The following RTL1 variants were observed in gnomAD, a reference collection of about 807,000 sequenced individuals.
RTL1 encodes retrotransposon-like protein 1.
For synonymous variants in RTL1, 727 were observed against 748.4 expected, an observed-to-expected ratio of 0.97 and a Z score of 0.47; for missense variants, 1,681 against 1,767.5, an observed-to-expected ratio of 0.95 and a Z score of 0.88.
chr14:100,888,325 T>C (rs1352159883), intron 3 of RTL1, among the ~76,000 whole-genome samples: 1 of 152,186 alleles, frequency 6.6e-6, no homozygotes, highest in African/African-American at 2.4e-5. Flanking sequence ...ACTTAAAACT[T>C]CTCGAGGTTT....
intron 2 of RTL1, among the ~76,000 whole-genome samples, chr14:100,895,233 C>T (rs1041238734): frequency 2.0e-5 from 3 of 152,148 alleles, no homozygotes; most frequent in Admixed American, 1.3e-4. Flanking sequence ...TGCGTGGGGA[C>T]ATCTGGGATG....
At chr14:100,900,954 A>C (rs2038933242) in intron 2 of RTL1, among the ~76,000 whole-genome samples, 1 of 152,118 alleles carries the variant, frequency 6.6e-6, no homozygotes, top group South Asian at 2.1e-4. Context: ...AGAAACAAAC[A>C]GTTTTTCCCG....
Position 100,882,575 on chromosome 14 carries a change from G to A in RTL1, c.2214C>T (p.Tyr738=), listed in dbSNP as rs542145378. Residue 738 remains tyrosine, a synonymous_variant, in exon 4 of 4, where the codon TAC becomes TAT. Coordinates refer to ENST00000649591, the MANE Select transcript of RTL1 (RefSeq NM_001134888.3). ...GGAGGTGCTCCTCCTGACTCATTGA[G>A]TAGATCAGGACTTCCTGGCCATAAG... ...VLSYGQEVLI[Y]SMSQEEHLHH... The A allele has an allele frequency of 6.6e-5, 102 of 1,551,816 alleles. No individual in the cohort carries two copies. Among genetic ancestry groups the A allele is most frequent in the Middle Eastern group, 3.3e-4 (2 of 5,992 alleles).
In RTL1 at chr14:100,884,665, G is replaced by A. The variant is rs549277874; in HGVS notation, c.124C>T (p.Arg42Trp). The change falls in exon 4 of 4, where the codon CGG becomes TGG. Residue 42 changes from arginine to tryptophan, a missense_variant. Transcript: ENST00000649591. ...CCGCTGGCTGGCCCTGCCTCTCCCC[G>A]CACTCCACTGCCCGACGTCGCCTCG... Reference protein sequence around the residue: ...TTEATSGSGVRGEAGPASGPA... With the variant: ...TTEATSGSGVWGEAGPASGPA... 115 of 1,613,472 alleles carry A rather than the reference G, an allele frequency of 7.1e-5. 1 individual carries two copies. The highest frequency in any genetic ancestry group is 5.5e-4 in the South Asian group (50 of 91,030).
rs1490679450 is a variant in RTL1, at chr14:100,882,252, C to T, written c.2537G>A (p.Gly846Glu). The change falls in exon 4 of 4, where the codon GGA becomes GAA. Residue 846 changes from glycine to glutamate, a missense_variant. Physicochemically the swap from Gly to Glu is moderately conservative, Grantham distance 98. Coordinates refer to ENST00000649591, the MANE Select transcript of RTL1 (RefSeq NM_001134888.3). ...CTCGAAGGCCTCTTGCTCCTCGACTCCCCAGTAGAACTGGTAGGAGCTCAG... is the reference window on the plus strand; with the variant it reads ...CTCGAAGGCCTCTTGCTCCTCGACTTCCCAGTAGAACTGGTAGGAGCTCAG... ...QLLSSYQFYWGVEEQEAFECL... is the reference protein window; with the variant it reads ...QLLSSYQFYWEVEEQEAFECL... The T allele has an allele frequency of 1.3e-6, 2 of 1,551,454 alleles. No homozygotes were observed. Among genetic ancestry groups the T allele is most frequent in the Non-Finnish European group, 1.7e-6 (2 of 1,147,002 alleles).
intron 3 of RTL1, among the ~76,000 whole-genome samples, chr14:100,885,335 A>T (rs1167777505): frequency 2.0e-5 from 3 of 152,198 alleles, no homozygotes; most frequent in Non-Finnish European, 2.9e-5. Context: ...GCTCTGGAGC[A>T]AGCCCAGCCA....
At position 100,881,464 on chromosome 14, in the gene RTL1, G is replaced by A. The variant is rs1402099685; in HGVS notation, c.3325C>T (p.Pro1109Ser). 11 of 1,550,644 alleles carry A rather than the reference G, an allele frequency of 7.1e-6. No individual in the cohort carries two copies. Among genetic ancestry groups the A allele is most frequent in the Non-Finnish European group, 9.6e-6 (11 of 1,146,948 alleles). Reference protein sequence around the residue: ...LRVRQCLSLRPAPAMRVARPQ... With the variant: ...LRVRQCLSLRSAPAMRVARPQ... ...CGAGCCACCCGCATGGCGGGTGCCG[G>A]CCGCAGCGAGAGGCATTGCCTCACG... The change falls in exon 4 of 4, where the codon CCG (proline) becomes TCG (serine). Residue 1109 changes from proline to serine, a missense_variant. Pro to Ser is a moderately conservative substitution (Grantham distance 74). Transcript: ENST00000649591. The surrounding 1 kb of genome is among the most constrained non-coding windows in gnomAD (Gnocchi z 6.6).
chr14:100,882,544 C>G lies in RTL1; in HGVS notation c.2245G>C (p.Val749Leu). ...CGGAAGCGGACCAGGACTTGGCGGA[C>G]GTGGTGGAGGTGCTCCTCCTGACTC... ...SMSQEEHLHH[V>L]RQVLVRFRHH... is the part of the protein sequence containing the mutation. Residue 749 changes from valine to leucine, a missense_variant, in exon 4 of 4, where the codon GTC (valine) becomes CTC (leucine). Physicochemically the swap from Val to Leu is conservative, Grantham distance 32. Transcript: ENST00000649591. The G allele has an allele frequency of 1.3e-6, 2 of 1,551,760 alleles. No individual in the cohort carries two copies. Among genetic ancestry groups the G allele is most frequent in the Non-Finnish European group, 1.7e-6 (2 of 1,147,026 alleles).
rs552116769 is a variant in RTL1, at chr14:100,881,003, G to A, written c.3786C>T (p.Asn1262=). ...GGCTGGGTGGGGCCTCCTGCACGTC[G>A]TTGTCCTGCTTGTCCTGCGAGGTGT... is the stretch of plus-strand genomic sequence containing the variant. ...LQDTSQDKQD[N]DVQEAPPSHT... is the part of the protein sequence containing the mutation. The change falls in exon 4 of 4, where the codon AAC becomes AAT. Residue 1262 remains asparagine (N), a synonymous_variant. Transcript: ENST00000649591. This position sits in a 1 kb window ranked among gnomAD's most constrained non-coding sequence, Gnocchi z 6.6. 1.8e-5 allele frequency: 29 copies of A among 1,574,744 alleles called. No homozygotes were observed. The African/African-American group carries it at 2.0e-4, about 11-fold the overall frequency.
intron 3 of RTL1, among the ~76,000 whole-genome samples, chr14:100,891,273 G>A (rs923633467): frequency 1.3e-5 from 2 of 152,198 alleles, no homozygotes; most frequent in Admixed American, 1.3e-4. Flanking sequence ...TCGGCCCAGG[G>A]CAGCCCAGTC....
chr14:100,887,327 A>C (rs1156995958), intron 3 of RTL1, among the ~76,000 whole-genome samples: 1 of 152,214 alleles, frequency 6.6e-6, no homozygotes, highest in African/African-American at 2.4e-5. Context: ...CTTCTGCTTA[A>C]AGCTTTATTC....
chr14:100,903,439 AG>A, intron 1 of RTL1, among the ~76,000 whole-genome samples, 53 bp from the exon 2 acceptor site: 1 of 152,240 alleles, frequency 6.6e-6, no homozygotes, highest in Non-Finnish European at 1.5e-5. Flanking sequence ...GGTGATCAAG[AG>A]GGGGTGCAGG....
At chr14:100,898,578 A>C (rs1280989660) in intron 2 of RTL1, among the ~76,000 whole-genome samples, 1 of 152,236 alleles carries the variant, frequency 6.6e-6, no homozygotes, top group African/African-American at 2.4e-5. Flanking sequence ...CTGGCATGGA[A>C]GACCCTTTAG....
rs763881276 is a variant in RTL1, at chr14:100,883,517, C to T, written c.1272G>A (p.Ala424=). 2.9e-5 allele frequency: 45 copies of T among 1,551,358 alleles called. 1 individual carries two copies. In the South Asian group the frequency reaches 3.6e-4, roughly 12 times the overall value. The change falls in exon 4 of 4, where the codon GCG becomes GCA. Residue 424 remains alanine, a synonymous_variant. Coordinates refer to ENST00000649591, the MANE Select transcript of RTL1 (RefSeq NM_001134888.3). The surrounding 1 kb of genome is among the most constrained non-coding windows in gnomAD (Gnocchi z 5.9). ...MVRVNPYHSV[A]VQALVDSGAD... Reference sequence around the variant, plus strand: ...CTCCCGAATCCACCAGGGCCTGGACCGCGACGCTGTGGTAGGGGTTCACTC... The same window carrying T: ...CTCCCGAATCCACCAGGGCCTGGACTGCGACGCTGTGGTAGGGGTTCACTC...
rs2038808850 is a variant in RTL1, at chr14:100,893,379, C to T, written c.-87+65G>A. ...CCAGGCCATCCCATTCACTGCCCCACCTCCCCTGCCTGCCCACCCGATCCC... is the reference window on the plus strand; with the variant it reads ...CCAGGCCATCCCATTCACTGCCCCATCTCCCCTGCCTGCCCACCCGATCCC... On this transcript the variant is annotated intron_variant, in intron 3 of 3. Transcript: ENST00000649591. The surrounding 1 kb of genome is among the most constrained non-coding windows in gnomAD (Gnocchi z 4.2). Among the ~76,000 whole-genome samples, 1 of 152,136 alleles carries T rather than the reference C, an allele frequency of 6.6e-6. No individual in the cohort carries two copies. Among genetic ancestry groups the T allele is most frequent in the African/African-American group, 2.4e-5 (1 of 41,444 alleles).
rs774906417 is a variant in RTL1, at chr14:100,903,694, C to T, written c.-334G>A. Among the ~76,000 whole-genome samples, 4 of 152,110 alleles carry T rather than the reference C, an allele frequency of 2.6e-5. No individual in the cohort carries two copies. The highest frequency in any genetic ancestry group is 4.4e-5 in the Non-Finnish European group (3 of 68,020). ...CACCCTGCTGCTGAAGGCTGCTCAGCGAGGCTGTGCCGAGTGCTGGGGGGG... is the reference window on the plus strand; with the variant it reads ...CACCCTGCTGCTGAAGGCTGCTCAGTGAGGCTGTGCCGAGTGCTGGGGGGG... On this transcript the variant is annotated 5_prime_UTR_variant, in exon 1 of 4. Coordinates refer to ENST00000649591, the MANE Select transcript of RTL1 (RefSeq NM_001134888.3).
At position 100,881,765 on chromosome 14, in the gene RTL1, G is replaced by C. The variant is rs537809113; in HGVS notation, c.3024C>G (p.Asn1008Lys). 7 of 1,613,596 alleles carry C rather than the reference G, an allele frequency of 4.3e-6. No homozygotes were observed. The South Asian group carries it at 5.5e-5, about 13-fold the overall frequency. The change falls in exon 4 of 4, where the codon AAC becomes AAG. Residue 1008 changes from asparagine to lysine, a missense_variant. Physicochemically the swap from Asn to Lys is moderately conservative, Grantham distance 94. Transcript: ENST00000649591. The surrounding 1 kb of genome is among the most constrained non-coding windows in gnomAD (Gnocchi z 6.6). ...NLRWRRAFQRNTAARQTLLLA... is the reference protein window; with the variant it reads ...NLRWRRAFQRKTAARQTLLLA... The stretch of plus-strand genomic sequence containing the variant: ...GCAGCAGGGTTTGCCTGGCGGCAGT[G>C]TTCCTCTGGAAGGCTCTCCTCCACC...
rs1034619088 is a variant in RTL1 at position 100,893,880 on chromosome 14, G to A, written c.-148-375C>T. Among the ~76,000 whole-genome samples the A allele has an allele frequency of 1.1e-4, 16 of 152,344 alleles. No homozygotes were observed. Among genetic ancestry groups the A allele is most frequent in the African/African-American group, 2.6e-4 (11 of 41,576 alleles). Reference sequence around the variant, plus strand: ...CACTTTAATAACCCGGACTGGGCAAGGACTAAGTCCAGCCAGAGCGTCAGC... The same window carrying A: ...CACTTTAATAACCCGGACTGGGCAAAGACTAAGTCCAGCCAGAGCGTCAGC... On this transcript the variant is annotated intron_variant, in intron 2 of 3. Coordinates refer to ENST00000649591, the MANE Select transcript of RTL1 (RefSeq NM_001134888.3). The surrounding 1 kb of genome is among the most constrained non-coding windows in gnomAD (Gnocchi z 4.2).
rs1366359056 is a variant in RTL1 at position 100,893,116 on chromosome 14, G to T, written c.-87+328C>A. ...TGATACTGCCAGCCTCGTGGCCTGA[G>T]GGGCATCCAGACCACAAGAGTGGGG... On this transcript the variant is annotated intron_variant, in intron 3 of 3. Transcript: ENST00000649591. This position sits in a 1 kb window ranked among gnomAD's most constrained non-coding sequence, Gnocchi z 4.2. Among the ~76,000 whole-genome samples the T allele has an allele frequency of 1.3e-5, 2 of 152,136 alleles. No individual in the cohort carries two copies. Among genetic ancestry groups the T allele is most frequent in the South Asian group, 4.1e-4 (2 of 4,820 alleles).
Sources: gnomAD v4.1 joint callset for allele counts (sites outside exome capture counted in the v4.1 genomes callset) on GRCh38, gnomAD v4.1.1 for gene constraint, Gnocchi (gnomAD v3.1) non-coding constraint, MANE v1.5 for transcripts, NCBI Gene and HGNC (gene_info 2026-07-23, HGNC 2026-07-21) for gene names.